Variants in LRMDA observed in about 807,000 individuals in gnomAD.
LRMDA encodes leucine-rich melanocyte differentiation-associated protein.
LRMDA carries 18 observed loss-of-function variants against 29.8 expected under a neutral mutation model. The observed-to-expected ratio is 0.60, with a 90% confidence interval of 0.42 to 0.90. The LOEUF is 0.90. Among genes scored for constraint, LRMDA ranks in the 40% least tolerant of loss-of-function variants. LRMDA has a pLI of 0.00. For synonymous variants in LRMDA, 125 were observed against 109.4 expected (o/e 1.14, Z -0.89); for missense variants, 273 against 273.9 (o/e 1.00, Z 0.02).
At chr10:75,651,892 A>G in intron 2 of LRMDA, among the ~76,000 whole-genome samples, 1 of 152,224 alleles carries the variant, frequency 6.6e-6, no homozygotes, top group South Asian at 2.1e-4. Context: ...CTCCACTTCC[A>G]TCACACAGTA....
chr10:75,692,219 A>AAAT (rs1353540469), intron 2 of LRMDA, among the ~76,000 whole-genome samples: 2 of 87,548 alleles, frequency 2.3e-5, no homozygotes, highest in African/African-American at 5.5e-5. Flanking sequence ...AAAAAAAAAA[A>AAAT]ATATATATAT....
chr10:76,472,132 A>G (rs1464888618), intron 6 of LRMDA, among the ~76,000 whole-genome samples: 1 of 151,838 alleles, frequency 6.6e-6, no homozygotes, highest in East Asian at 1.9e-4. Flanking sequence ...CACTCTTCTC[A>G]AGAACATGGA....
chr10:75,965,286 C>A (rs1257789108), intron 2 of LRMDA, among the ~76,000 whole-genome samples: 2 of 152,112 alleles, frequency 1.3e-5, no homozygotes, highest in African/African-American at 4.8e-5. Context: ...TATACTGTTA[C>A]AATAATTATT....
At chr10:75,702,610 A>G (rs1485809363) in intron 2 of LRMDA, among the ~76,000 whole-genome samples, 1 of 152,218 alleles carries the variant, frequency 6.6e-6, no homozygotes, top group Non-Finnish European at 1.5e-5. Context: ...GCCTTTGGAA[A>G]GGGAAAAAAA....
chr10:75,610,296 T>C (rs79942525), intron 2 of LRMDA, among the ~76,000 whole-genome samples: 151 of 152,106 alleles, frequency 9.9e-4, no homozygotes, highest in African/African-American at 3.3e-3. Flanking sequence ...GAAGTAGTCC[T>C]CATTAATACT....
chr10:76,383,897 C>G (rs1841627241), intron 6 of LRMDA, among the ~76,000 whole-genome samples: 1 of 152,236 alleles, frequency 6.6e-6, no homozygotes, highest in Non-Finnish European at 1.5e-5. Context: ...CAGCTACCCA[C>G]CAGTCACTTT....
At chr10:75,859,296 CCT>C (rs1452164685) in intron 2 of LRMDA, among the ~76,000 whole-genome samples, 1 of 151,938 alleles carries the variant, frequency 6.6e-6, no homozygotes, top group Non-Finnish European at 1.5e-5. Flanking sequence ...CAGTTTGGCC[CCT>C]GTGGTGATTT....
At chr10:76,226,447 G>A (rs1329921148) in intron 5 of LRMDA, among the ~76,000 whole-genome samples, 1 of 152,062 alleles carries the variant, frequency 6.6e-6, no homozygotes, top group East Asian at 1.9e-4. Context: ...GCCGGGCATG[G>A]TGGCACGTGC....
chr10:76,424,115 A>G (rs921533559), intron 6 of LRMDA, among the ~76,000 whole-genome samples: 3 of 152,272 alleles, frequency 2.0e-5, no homozygotes, highest in African/African-American at 7.2e-5. Context: ...GACAATATCA[A>G]TGGCTGTGGA....
chr10:75,630,376 C>T (rs993661092), intron 2 of LRMDA, among the ~76,000 whole-genome samples: 4 of 152,302 alleles, frequency 2.6e-5, no homozygotes, highest in East Asian at 1.9e-4. Flanking sequence ...CTGGTTTTTG[C>T]GGGCAATGCA....
At chr10:76,009,913 G>A (rs921411282) in intron 2 of LRMDA, among the ~76,000 whole-genome samples, 6 of 143,650 alleles carry the variant, frequency 4.2e-5, no homozygotes, top group East Asian at 2.0e-4. Flanking sequence ...AATCTTTTCC[G>A]AGAGCTAAAT....
At chr10:76,310,135 A>G (rs1224248632) in intron 5 of LRMDA, among the ~76,000 whole-genome samples, 1 of 152,192 alleles carries the variant, frequency 6.6e-6, no homozygotes, top group Non-Finnish European at 1.5e-5. Flanking sequence ...CTACAGCAAT[A>G]ACTCAAAACT....
At chr10:76,299,854 G>A (rs1840459348) in intron 5 of LRMDA, among the ~76,000 whole-genome samples, 1 of 152,132 alleles carries the variant, frequency 6.6e-6, no homozygotes, top group Non-Finnish European at 1.5e-5. Context: ...GGAGGCCTGA[G>A]ACTCAAGCTT....
chr10:75,812,116 T>TTTTTTTTTTTG (rs1843974251), intron 2 of LRMDA, among the ~76,000 whole-genome samples: 1 of 145,464 alleles, frequency 6.9e-6, no homozygotes, highest in African/African-American at 2.6e-5. Flanking sequence ...TGATTTTTTT[T>TTTTTTTTTTTG]TTTTTTTTTT....
intron 2 of LRMDA, among the ~76,000 whole-genome samples, chr10:75,620,164 C>T (rs1841164054): frequency 6.6e-6 from 1 of 152,146 alleles, no homozygotes; most frequent in Non-Finnish European, 1.5e-5. Flanking sequence ...CAGACCAGGC[C>T]TGGTCATGTT....
intron 6 of LRMDA, among the ~76,000 whole-genome samples, chr10:76,494,456 G>A (rs894992305): frequency 1.3e-4 from 20 of 151,026 alleles, no homozygotes; most frequent in Admixed American, 6.6e-5. Flanking sequence ...AATTTCCATA[G>A]CATGATGTCA....
At chr10:75,998,593 G>A (rs1047166884) in intron 2 of LRMDA, among the ~76,000 whole-genome samples, 2 of 152,310 alleles carry the variant, frequency 1.3e-5, no homozygotes, top group Non-Finnish European at 2.9e-5. Context: ...GCTTATTAAA[G>A]CACACGTCTT....
intron 2 of LRMDA, among the ~76,000 whole-genome samples, chr10:75,771,851 A>T (rs1472135706): frequency 1.3e-5 from 2 of 152,104 alleles, no homozygotes; most frequent in African/African-American, 2.4e-5. Flanking sequence ...AGAAGCTGAG[A>T]CTGGGAGAGG....
intron 6 of LRMDA, among the ~76,000 whole-genome samples, chr10:76,352,022 T>C (rs1256325257): frequency 1.3e-5 from 2 of 152,156 alleles, no homozygotes; most frequent in African/African-American, 4.8e-5. Context: ...GAGAAGGTAC[T>C]TGACCACTCT....
Sources: allele counts gnomAD v4.1 joint callset (sites outside exome capture counted in the v4.1 genomes callset), GRCh38; gene constraint gnomAD v4.1.1; transcripts MANE v1.5; gene names NCBI Gene and HGNC (gene_info 2026-07-23, HGNC 2026-07-21).